NCKAP1L: variants seen among roughly 807,000 people sequenced by gnomAD.
The protein encoded by NCKAP1L is NCK associated protein 1 like.
In NCKAP1L, 53 loss-of-function variants were observed where a neutral mutation model predicts 139.2. The observed-to-expected ratio is 0.38, with a 90% CI of 0.31 to 0.48. NCKAP1L has a LOEUF of 0.48. Ranked by LOEUF, NCKAP1L falls within the 20% of genes least tolerant of loss-of-function variation. The pLI is 0.98. For missense variants in NCKAP1L, 1,151 were observed against 1,381.9 expected (o/e 0.83, Z 2.65); for synonymous variants, 468 against 499.7 (o/e 0.94, Z 0.85).
chr12:54,515,856 G>A (rs1592342530), intron 9 of NCKAP1L, among the ~76,000 whole-genome samples: 2 of 152,302 alleles, frequency 1.3e-5, no homozygotes, highest in Admixed American at 1.3e-4. Context: ...CAGGGCCTGT[G>A]TTGTATTTAT....
At chr12:54,525,054 T>C (rs1045571021) in intron 20 of NCKAP1L, among the ~76,000 whole-genome samples, 1 of 152,176 alleles carries the variant, frequency 6.6e-6, no homozygotes, top group Non-Finnish European at 1.5e-5. Flanking sequence ...AGAAAGACAG[T>C]GTGTCTGCAG....
chr12:54,537,161 C>A (rs1660368886), intron 29 of NCKAP1L, 108 bp downstream of exon 29: 1 of 672,570 alleles, frequency 1.5e-6, no homozygotes, highest in Non-Finnish European at 2.6e-6. Context: ...TCTAACTTCC[C>A]ACCTAATTCA....
intron 15 of NCKAP1L, 40 bp from the exon 16 acceptor site, chr12:54,519,147 C>T: frequency 6.4e-7 from 1 of 1,554,242 alleles, no homozygotes; most frequent in Non-Finnish European, 8.7e-7. Flanking sequence ...CTTTTTCATT[C>T]ATCTTATTTT....
At chr12:54,537,908 C>T (rs1225079024) in intron 29 of NCKAP1L, among the ~76,000 whole-genome samples, 1 of 152,162 alleles carries the variant, frequency 6.6e-6, no homozygotes, top group Non-Finnish European at 1.5e-5. Context: ...CTGTAACTCT[C>T]ACCATGGATC....
chr12:54,517,084 CTT>C lies in NCKAP1L; in HGVS notation c.1095+95_1095+96del, dbSNP rs1425971598. 60 of 1,056,646 alleles carry C rather than the reference CTT, an allele frequency of 5.7e-5. No individual in the cohort carries two copies. The Middle Eastern group carries it at 1.2e-3, about 22-fold the overall frequency. 65.5% of individuals were successfully genotyped at this position (1,056,646 alleles called of 1,614,324 possible). The stretch of plus-strand genomic sequence containing the variant: ...CTCACGAGATTTTGCCTTTCTGAGT[CTT>C]TTGTCATTCATTTGTATGTATATAT... On this transcript the variant is annotated intron_variant, in intron 11 of 30. Transcript: ENST00000293373.
At chr12:54,527,799 G>A (rs979461579) in intron 21 of NCKAP1L, among the ~76,000 whole-genome samples, 3 of 152,172 alleles carry the variant, frequency 2.0e-5, no homozygotes, top group Non-Finnish European at 4.4e-5. Context: ...CAGAGGTCAG[G>A]AGGAAATATT....
At position 54,518,652 on chromosome 12, in the gene NCKAP1L, A is replaced by T. The variant is rs778505121; in HGVS notation, c.1340A>T (p.Asn447Ile). The T allele has an allele frequency of 1.9e-6, 3 of 1,613,686 alleles. No homozygotes were observed. Among genetic ancestry groups the T allele is most frequent in the Non-Finnish European group, 2.5e-6 (3 of 1,179,772 alleles). ...CAGTAACTGCAGCTCCTTTTTTAGA[A>T]CTTGTCTGTGTGTCCAGAGGAGGAG... ...DALVLSDIIQ[N>I]LSVCPEEESI... The change falls in exon 14 of 31, where the codon AAC (asparagine) becomes ATC (isoleucine). Residue 447 changes from asparagine to isoleucine, a missense_variant and splice_region_variant. Transcript: ENST00000293373.
chr12:54,513,864 A>G (rs1259902646), intron 9 of NCKAP1L, among the ~76,000 whole-genome samples: 1 of 151,942 alleles, frequency 6.6e-6, no homozygotes, highest in South Asian at 2.1e-4. Flanking sequence ...CAAAATACCA[A>G]TTTTTTTTCT....
intron 1 of NCKAP1L, 70 bp from the exon 2 acceptor site, chr12:54,499,285 T>A (rs865854623): frequency 1.1e-6 from 1 of 886,830 alleles, no homozygotes; most frequent in Admixed American, 1.9e-5. Context: ...TGAGAATGAA[T>A]GTTGCAAGAA....
At chr12:54,525,463 A>G (rs981652150) in intron 20 of NCKAP1L, among the ~76,000 whole-genome samples, 2 of 152,216 alleles carry the variant, frequency 1.3e-5, no homozygotes, top group Non-Finnish European at 2.9e-5. Flanking sequence ...ATAATGGCCC[A>G]TGTGCAAGCC....
rs535358560 is a variant in NCKAP1L, at chr12:54,519,970, G to T, written c.1625+638G>T. Reference sequence around the variant, plus strand: ...TGGACAGGAGTGAAAATAAGTGAGAGGCCTAGAGAATAGGGACTTTGGAGA... The same window carrying T: ...TGGACAGGAGTGAAAATAAGTGAGATGCCTAGAGAATAGGGACTTTGGAGA... On this transcript the variant is annotated intron_variant, in intron 16 of 30. Coordinates refer to ENST00000293373, the MANE Select transcript of NCKAP1L (RefSeq NM_005337.5). Among the ~76,000 whole-genome samples, 11 of 151,842 alleles carry T rather than the reference G, an allele frequency of 7.2e-5. 1 individual carries two copies. The South Asian group carries it at 2.3e-3, about 32-fold the overall frequency.
intron 18 of NCKAP1L, among the ~76,000 whole-genome samples, chr12:54,523,002 C>A (rs971646917): frequency 1.4e-4 from 22 of 152,270 alleles, no homozygotes; most frequent in Middle Eastern, 3.4e-3. Flanking sequence ...AGATGATTGT[C>A]CCATCTAGCA....
At chr12:54,507,939 T>A in intron 4 of NCKAP1L, 30 bp downstream of exon 4, 1 of 1,607,142 alleles carries the variant, frequency 6.2e-7, no homozygotes, top group Non-Finnish European at 8.5e-7. Flanking sequence ...TCTTCTATCG[T>A]AGAGTCAAAG....
intron 30 of NCKAP1L, among the ~76,000 whole-genome samples, chr12:54,540,704 C>G (rs745438184): frequency 6.6e-6 from 1 of 152,190 alleles, no homozygotes; most frequent in Non-Finnish European, 1.5e-5. Flanking sequence ...TTCACTTCCT[C>G]AGGTAGTTTT....
chr12:54,513,399 A>T (rs1169083135), intron 9 of NCKAP1L, among the ~76,000 whole-genome samples: 1 of 152,200 alleles, frequency 6.6e-6, no homozygotes, highest in Non-Finnish European at 1.5e-5. Context: ...TGAGGTCTGG[A>T]TTCAGATAAA....
Position 54,519,339 on chromosome 12 carries a change from C to A in NCKAP1L, c.1625+7C>A. Reference sequence around the variant, plus strand: ...CTGATCTGTCTACTTTCTGGTATGTCTTGGTTCAGAGCTCTCTTTAAAAAG... The same window carrying A: ...CTGATCTGTCTACTTTCTGGTATGTATTGGTTCAGAGCTCTCTTTAAAAAG... On this transcript the variant is annotated splice_region_variant and intron_variant, in intron 16 of 30. Transcript: ENST00000293373. 6.5e-7 allele frequency: 1 copy of A among 1,535,658 alleles called. No homozygotes were observed. The highest frequency in any genetic ancestry group is 8.7e-7 in the Non-Finnish European group (1 of 1,151,800).
chr12:54,516,384 G>C, intron 10 of NCKAP1L, 89 bp downstream of exon 10: 1 of 1,244,882 alleles, frequency 8.0e-7, no homozygotes, highest in Non-Finnish European at 1.2e-6. Context: ...CTTAGTTTCT[G>C]TACAGCTTTA....
intron 3 of NCKAP1L, among the ~76,000 whole-genome samples, chr12:54,506,785 T>TAA (rs1291340610): frequency 0.091 from 5,453 of 60,250 alleles, 504 homozygotes; most frequent in Non-Finnish European, 0.11. Context: ...GGCAACATAT[T>TAA]AAAAAAAAAA....
intron 2 of NCKAP1L, 123 bp downstream of exon 2, chr12:54,499,588 G>GT: frequency 1.6e-6 from 1 of 608,540 alleles, no homozygotes; most frequent in South Asian, 2.0e-5. Context: ...TTTATTAATA[G>GT]TTTTCCAAGG....
Sources: gnomAD v4.1 joint callset for allele counts (sites outside exome capture counted in the v4.1 genomes callset) on GRCh38, gnomAD v4.1.1 for gene constraint, MANE v1.5 for transcripts, NCBI Gene and HGNC (gene_info 2026-07-23, HGNC 2026-07-21) for gene names.